The following DNMBP variants were observed in gnomAD, a reference collection of about 807,000 sequenced individuals.
DNMBP encodes dynamin-binding protein.
A neutral mutation model predicts 150.0 loss-of-function variants in DNMBP; 87 were observed. That is an observed-to-expected ratio of 0.58 (90% CI 0.49 to 0.69). DNMBP has a LOEUF of 0.69. Ranked by LOEUF, DNMBP falls within the 30% of genes least tolerant of loss-of-function variation. The pLI, the probability that DNMBP is intolerant of heterozygous loss-of-function variation, is 0.00. For synonymous variants in DNMBP, 711 were observed against 750.4 expected, an observed-to-expected ratio of 0.95 and a Z score of 0.86; for missense variants, 1,774 against 1,949.0, an observed-to-expected ratio of 0.91 and a Z score of 1.69.
intron 4 of DNMBP, 131 bp downstream of exon 4, chr10:99,955,083 T>C: frequency 4.0e-6 from 3 of 754,700 alleles, no homozygotes; most frequent in Non-Finnish European, 4.2e-6. Flanking sequence ...AGAAAAGAAA[T>C]TAGGTAATGA....
intron 1 of DNMBP, among the ~76,000 whole-genome samples, chr10:99,984,047 AG>A (rs1183009786): frequency 6.6e-6 from 1 of 152,258 alleles, no homozygotes; most frequent in Admixed American, 6.5e-5. Flanking sequence ...CTCACAGTAC[AG>A]TAGTTTTAAC....
At chr10:100,007,672 C>T (rs1210052685) in intron 1 of DNMBP, among the ~76,000 whole-genome samples, 11 of 152,238 alleles carry the variant, frequency 7.2e-5, no homozygotes, top group Non-Finnish European at 1.3e-4. Context: ...TCACCTCCCA[C>T]AGCTGCCTTT....
intron 16 of DNMBP, among the ~76,000 whole-genome samples, chr10:99,878,701 A>C (rs529698334): frequency 6.6e-6 from 1 of 152,190 alleles, no homozygotes; most frequent in Non-Finnish European, 1.5e-5. Context: ...ATCCTTCTGG[A>C]GATGAGCTCG....
intron 4 of DNMBP, among the ~76,000 whole-genome samples, chr10:99,910,832 G>T (rs748678640): frequency 6.6e-6 from 1 of 152,218 alleles, no homozygotes; most frequent in African/African-American, 2.4e-5. Context: ...ATAAGAACCT[G>T]TAAGTACATA....
At chr10:99,932,002 G>A (rs1306759702) in intron 4 of DNMBP, among the ~76,000 whole-genome samples, 1 of 152,208 alleles carries the variant, frequency 6.6e-6, no homozygotes, top group African/African-American at 2.4e-5. Flanking sequence ...AATAAGAGAG[G>A]AGGCTGAAGA....
intron 2 of DNMBP, 98 bp from the exon 3 acceptor site, chr10:99,969,335 C>T (rs952436982): frequency 2.3e-6 from 3 of 1,281,468 alleles, no homozygotes; most frequent in East Asian, 2.4e-5. Context: ...CATGTATAGA[C>T]CGTAACTTGA....
At position 99,955,283 on chromosome 10, in the gene DNMBP, T is replaced by C. The variant is rs745486404; in HGVS notation, c.2191A>G (p.Thr731Ala). The change falls in exon 4 of 17, where the codon ACC (threonine) becomes GCC (alanine). Residue 731 changes from threonine to alanine, a missense_variant. By Grantham distance (58) the Thr-to-Ala change is moderately conservative. This residue lies in a region of DNMBP where 1,430 missense variants were observed against 1,492.5 expected (regional missense o/e 0.96). Transcript: ENST00000324109. ...TCACAGAACTTGAGATCCTCGAGGG[T>C]CTCTGCTCTTGATGATTCATCCTGC... ...EKQDESSRAETLEDLKFCESN... is the reference protein window; with the variant it reads ...EKQDESSRAEALEDLKFCESN... 1.1e-5 allele frequency: 17 copies of C among 1,613,924 alleles called. No homozygotes were observed. In the South Asian group the frequency reaches 1.8e-4, roughly 17 times the overall value.
At chr10:99,885,037 G>C (rs979128339) in intron 14 of DNMBP, among the ~76,000 whole-genome samples, 7 of 152,162 alleles carry the variant, frequency 4.6e-5, no homozygotes, top group African/African-American at 1.7e-4. Flanking sequence ...TTAAAATATG[G>C]AAGAACTGAG....
At chr10:99,891,075 A>G (rs547801892) in intron 11 of DNMBP, among the ~76,000 whole-genome samples, 26 of 149,110 alleles carry the variant, frequency 1.7e-4, no homozygotes, top group African/African-American at 6.3e-4. Flanking sequence ...AAGTCCAGAC[A>G]GAGCAATGAT....
intron 11 of DNMBP, among the ~76,000 whole-genome samples, chr10:99,890,311 C>T (rs926738546): frequency 4.6e-5 from 7 of 152,122 alleles, no homozygotes; most frequent in African/African-American, 7.2e-5. Context: ...CTGGTTTTCT[C>T]GCTGTTAGTC....
intron 14 of DNMBP, 69 bp downstream of exon 14, chr10:99,885,618 G>C: frequency 7.3e-7 from 1 of 1,374,192 alleles, no homozygotes; most frequent in Non-Finnish European, 9.8e-7. Context: ...ATCTGGGCCT[G>C]GGGGCCTGGC....
chr10:99,999,104 T>C (rs886450241), intron 1 of DNMBP, among the ~76,000 whole-genome samples: 2 of 152,208 alleles, frequency 1.3e-5, no homozygotes, highest in Non-Finnish European at 2.9e-5. Context: ...GAATCCTCCC[T>C]TCCCTCCACA....
At chr10:99,928,773 A>G (rs1006723554) in intron 4 of DNMBP, among the ~76,000 whole-genome samples, 2 of 152,198 alleles carry the variant, frequency 1.3e-5, no homozygotes, top group African/African-American at 4.8e-5. Context: ...TGAACAATCT[A>G]TAAAACAAAT....
intron 16 of DNMBP, among the ~76,000 whole-genome samples, chr10:99,878,325 CCAGAGGGA>C (rs1359750213): frequency 2.0e-5 from 3 of 152,154 alleles, no homozygotes; most frequent in African/African-American, 7.2e-5. Context: ...CCCATGGGGG[CCAGAGGGA>C]GGGACACGTG....
At chr10:99,941,460 ACTCTT>A (rs1423950787) in intron 4 of DNMBP, among the ~76,000 whole-genome samples, 3 of 149,116 alleles carry the variant, frequency 2.0e-5, no homozygotes, top group South Asian at 4.2e-4. Flanking sequence ...GTTACCCTTG[ACTCTT>A]CTCAATTTTT....
In DNMBP at chr10:99,976,802, C is replaced by T. The variant is rs546014837; in HGVS notation, c.-10-4668G>A. 2.0e-5 allele frequency among the ~76,000 whole-genome samples: 3 copies of T among 151,866 alleles called. No homozygotes were observed. In the East Asian group the frequency reaches 5.8e-4, roughly 29 times the overall value. Reference sequence around the variant, plus strand: ...TATTTTCTTAAAAAAAAAAACACCACACATAATGTCCTGCAAACTTCTTAG... The same window carrying T: ...TATTTTCTTAAAAAAAAAAACACCATACATAATGTCCTGCAAACTTCTTAG... On this transcript the variant is annotated intron_variant, in intron 1 of 16. Transcript: ENST00000324109.
At chr10:99,940,180 T>C (rs1342010700) in intron 4 of DNMBP, among the ~76,000 whole-genome samples, 4 of 152,206 alleles carry the variant, frequency 2.6e-5, no homozygotes, top group East Asian at 1.9e-4. Flanking sequence ...AAATGTTTAA[T>C]GAATCAATGC....
intron 12 of DNMBP, 62 bp from the exon 13 acceptor site, chr10:99,886,694 A>C: frequency 6.6e-7 from 1 of 1,509,272 alleles, no homozygotes; most frequent in South Asian, 1.2e-5. Context: ...TGATTATCCA[A>C]GTCACTCTTA....
At chr10:99,996,232 A>T (rs181821243) in intron 1 of DNMBP, among the ~76,000 whole-genome samples, 175 of 152,342 alleles carry the variant, frequency 1.1e-3, no homozygotes, top group Non-Finnish European at 2.1e-3. Context: ...GTAAAATTCA[A>T]CCCAAAGGCT....
Sources: allele counts gnomAD v4.1 joint callset (sites outside exome capture counted in the v4.1 genomes callset), GRCh38; gene constraint gnomAD v4.1.1; regional missense constraint gnomAD v4.1.1; transcripts MANE v1.5; gene names NCBI Gene and HGNC (gene_info 2026-07-23, HGNC 2026-07-21).